The following SEPTIN10 variants were observed in gnomAD, a reference collection of about 807,000 sequenced individuals.
SEPTIN10 encodes the protein septin-10.
SEPTIN10 carries 66 observed loss-of-function variants against 54.8 expected under a neutral mutation model. The observed-to-expected ratio is 1.21, with a 90% confidence interval of 0.99 to 1.48. The LOEUF (loss-of-function observed/expected upper bound fraction) is 1.48. Ranked by LOEUF, SEPTIN10 falls within the 40% of genes most tolerant of loss-of-function variation. The pLI is 0.00. For missense variants in SEPTIN10, 620 were observed against 545.6 expected (o/e 1.14, Z -1.36); for synonymous variants, 161 against 181.0 (o/e 0.89, Z 0.89).
At chr2:109,576,566 A>C (rs1275694669) in intron 4 of SEPTIN10, among the ~76,000 whole-genome samples, 3 of 152,204 alleles carry the variant, frequency 2.0e-5, no homozygotes, top group Admixed American at 6.5e-5. Context: ...TTTCCAAAAA[A>C]ATAAAATGGG....
intron 2 of SEPTIN10, among the ~76,000 whole-genome samples, chr2:109,589,191 G>A (rs1693362944): frequency 6.6e-6 from 1 of 151,950 alleles, no homozygotes; most frequent in South Asian, 2.1e-4. Context: ...CACCCAGGCT[G>A]GAGTGCAGTC....
intron 8 of SEPTIN10, among the ~76,000 whole-genome samples, chr2:109,560,223 A>C (rs939472087): frequency 6.6e-6 from 1 of 152,144 alleles, no homozygotes; most frequent in African/African-American, 2.4e-5. Context: ...CCTGGCCCCA[A>C]CCACTGCCTT....
Position 109,564,535 on chromosome 2 carries a change from C to G in SEPTIN10, c.860-1G>C. On this transcript the variant is annotated splice_acceptor_variant, in intron 7 of 10. Transcript: ENST00000397712. LOFTEE classifies it high-confidence loss of function. ...AAGTCACAGTGGTTTTCATTTTCCA[C>G]TAGCCAAAAAAAAATAAGAAAAGAA... 6.7e-7 allele frequency: 1 copy of G among 1,493,702 alleles called. No homozygotes were observed. Among genetic ancestry groups the G allele is most frequent in the Non-Finnish European group, 9.0e-7 (1 of 1,112,454 alleles). 92.5% of individuals were successfully genotyped at this position (1,493,702 alleles called of 1,614,324 possible). A position where few individuals can be genotyped will look rare whatever the true frequency, so the allele number is the denominator to read the frequency against.
rs752552834 is a variant in SEPTIN10, at chr2:109,546,236, A to T, written c.1163T>A (p.Leu388Gln). The T allele has an allele frequency of 2.6e-6, 4 of 1,541,108 alleles. No homozygotes were observed. Among genetic ancestry groups the T allele is most frequent in the Non-Finnish European group, 2.6e-6 (3 of 1,146,320 alleles). ...EAILKEAERE[L>Q]QAKFEHLKRL... The stretch of plus-strand genomic sequence containing the variant: ...CTTAAGGTGCTCAAATTTGGCCTGT[A>T]GCTGGAAACAAAAGTGCAATCCCCA... The change falls in exon 10 of 11, where the codon CTA (leucine) becomes CAA (glutamine). Residue 388 changes from leucine (L) to glutamine (Q), a missense_variant and splice_region_variant. Transcript: ENST00000397712.
At chr2:109,603,966 C>T (rs1275574832) in intron 1 of SEPTIN10, among the ~76,000 whole-genome samples, 1 of 151,310 alleles carries the variant, frequency 6.6e-6, no homozygotes, top group Non-Finnish European at 1.5e-5. Context: ...TCGAGACCAT[C>T]CTGGCTAACA....
intron 5 of SEPTIN10, among the ~76,000 whole-genome samples, chr2:109,571,845 T>C (rs1425292117): frequency 6.6e-6 from 1 of 152,218 alleles, no homozygotes; most frequent in Non-Finnish European, 1.5e-5. Context: ...CTTCCATTTA[T>C]TCCTGAAAAT....
intron 1 of SEPTIN10, chr2:109,605,251 C>T (rs967479719): frequency 6.6e-6 from 1 of 152,088 alleles, no homozygotes; most frequent in East Asian, 1.9e-4. Context: ...AGGCAGATCA[C>T]CTGAGGTCAG....
chr2:109,554,538 T>C (rs1313332221), intron 8 of SEPTIN10, among the ~76,000 whole-genome samples: 3 of 152,146 alleles, frequency 2.0e-5, no homozygotes, highest in Admixed American at 6.5e-5. Flanking sequence ...CAACTCAGAC[T>C]GGGACAATTT....
At chr2:109,545,798 T>C in intron 10 of SEPTIN10, 7 of 1,425,056 alleles carry the variant, frequency 4.9e-6, no homozygotes, top group Non-Finnish European at 6.4e-6. Context: ...CACACTGTGA[T>C]GTATTTTTAT....
intron 10 of SEPTIN10, chr2:109,544,625 A>G: frequency 1.1e-6 from 1 of 943,712 alleles, no homozygotes; most frequent in Non-Finnish European, 1.3e-6. Context: ...GGGAAATCTA[A>G]TTTTAGTAAC....
Position 109,543,998 on chromosome 2 carries a change from C to A in SEPTIN10, c.*311G>T, listed in dbSNP as rs1680528173. The A allele has an allele frequency of 8.8e-6, 6 of 684,162 alleles. No individual in the cohort carries two copies. In the Admixed American group the frequency reaches 1.2e-4, roughly 14 times the overall value. The allele number at this position is 684,162 out of a possible 1,614,324, so 42.4% of individuals were successfully genotyped here. On this transcript the variant is annotated 3_prime_UTR_variant, in exon 11 of 11. Transcript: ENST00000397712. ...ACAAAATCTGTTTAAACTGAACCATCAGAAAGCAAAGGTGTCGGGTGGGGA... is the reference window on the plus strand; with the variant it reads ...ACAAAATCTGTTTAAACTGAACCATAAGAAAGCAAAGGTGTCGGGTGGGGA...
Position 109,581,973 on chromosome 2 carries a change from G to T in SEPTIN10, c.413+3153C>A, listed in dbSNP as rs868791905. 4.6e-5 allele frequency among the ~76,000 whole-genome samples: 7 copies of T among 152,180 alleles called. No individual in the cohort carries two copies. The Middle Eastern group carries it at 0.01, about 222-fold the overall frequency. On this transcript the variant is annotated intron_variant, in intron 4 of 10. Coordinates refer to ENST00000397712, the MANE Select transcript of SEPTIN10 (RefSeq NM_144710.5). Reference sequence around the variant, plus strand: ...TGAACTGATATACAACTTCAGTGAAGTTTCAAGATGCAAAACCAATGTACA... The same window carrying T: ...TGAACTGATATACAACTTCAGTGAATTTTCAAGATGCAAAACCAATGTACA...
chr2:109,578,462 T>C (rs904320555), intron 4 of SEPTIN10, among the ~76,000 whole-genome samples: 3 of 152,116 alleles, frequency 2.0e-5, no homozygotes, highest in Admixed American at 6.6e-5. Flanking sequence ...AAATGGAGAT[T>C]AGAAATCTAC....
chr2:109,596,563 G>C (rs936198572), intron 1 of SEPTIN10, among the ~76,000 whole-genome samples: 23 of 151,876 alleles, frequency 1.5e-4, no homozygotes, highest in Non-Finnish European at 2.8e-4. Context: ...CTTGCAGTGA[G>C]CAGAGATCGC....
At chr2:109,604,379 A>AAGGAAG (rs1697401941) in intron 1 of SEPTIN10, among the ~76,000 whole-genome samples, 2 of 25,892 alleles carry the variant, frequency 7.7e-5, no homozygotes, top group African/African-American at 3.1e-4. Flanking sequence ...AAAGAAGGGA[A>AAGGAAG]GGGAAGGGGA....
chr2:109,578,085 G>C (rs766091269), intron 4 of SEPTIN10, among the ~76,000 whole-genome samples: 6 of 151,912 alleles, frequency 3.9e-5, no homozygotes, highest in Non-Finnish European at 8.8e-5. Flanking sequence ...ATGTGTAAGA[G>C]AACCACTATA....
chr2:109,613,334 C>G (rs1384428503), intron 1 of SEPTIN10: 2 of 379,730 alleles, frequency 5.3e-6, no homozygotes, highest in South Asian at 2.4e-5. Context: ...CTTGGACGAC[C>G]ACACCATCGG....
intron 5 of SEPTIN10, among the ~76,000 whole-genome samples, chr2:109,571,471 G>A (rs1433609415): frequency 1.3e-5 from 2 of 152,110 alleles, no homozygotes; most frequent in Non-Finnish European, 2.9e-5. Flanking sequence ...ACTGGATACT[G>A]TAGACAACCA....
At chr2:109,570,029 A>G (rs1687993362) in intron 5 of SEPTIN10, among the ~76,000 whole-genome samples, 1 of 151,248 alleles carries the variant, frequency 6.6e-6, no homozygotes, top group South Asian at 2.1e-4. Flanking sequence ...TGCCCCTACA[A>G]AAAAAAAACC....
Sources: allele counts gnomAD v4.1 joint callset (sites outside exome capture counted in the v4.1 genomes callset), GRCh38; gene constraint gnomAD v4.1.1; transcripts MANE v1.5; gene names NCBI Gene and HGNC (gene_info 2026-07-23, HGNC 2026-07-21).